Variants in PTPRN2 observed in about 807,000 individuals in gnomAD.
PTPRN2 encodes receptor-type tyrosine-protein phosphatase N2.
In PTPRN2, 74 loss-of-function variants were observed where a neutral mutation model predicts 118.8. The ratio of observed to expected loss-of-function variants is 0.62; its 90% CI spans 0.52 to 0.76. PTPRN2 has a LOEUF of 0.76. PTPRN2 is among the 30% of genes least tolerant of loss of function. The pLI is 0.00. For missense variants in PTPRN2, 1,481 were observed against 1,394.4 expected (o/e 1.06, Z -0.99); for synonymous variants, 641 against 608.0 (o/e 1.05, Z -0.80).
chr7:158,236,339 G>A lies in PTPRN2; in HGVS notation c.278-31066C>T, dbSNP rs139818895. On this transcript the variant is annotated intron_variant, in intron 3 of 22. Coordinates refer to ENST00000389418, the MANE Select transcript of PTPRN2 (RefSeq NM_002847.5). ...CTCCTCCTCAGATCTAGGTAGGGCC[G>A]CTTGTGCTCCCTTGGGGCATGAAGG... 3.4e-3 allele frequency among the ~76,000 whole-genome samples: 519 copies of A among 152,262 alleles called. 7 individuals are homozygous for A. Among genetic ancestry groups the A allele is most frequent in the African/African-American group, 0.012 (487 of 41,544 alleles).
intron 12 of PTPRN2, among the ~76,000 whole-genome samples, chr7:157,743,093 C>A (rs190578901): frequency 6.6e-6 from 1 of 152,148 alleles, no homozygotes; most frequent in South Asian, 2.1e-4. Context: ...GTGGAGAGAA[C>A]CTTGTAATGA....
chr7:157,585,070 T>C lies in PTPRN2; in HGVS notation c.2497-6930A>G, dbSNP rs565611097. On this transcript the variant is annotated intron_variant, in intron 17 of 22. Coordinates refer to ENST00000389418, the MANE Select transcript of PTPRN2 (RefSeq NM_002847.5). The surrounding 1 kb of genome is among the most constrained non-coding windows in gnomAD (Gnocchi z 5.2). ...TTTTTTTAGTAAACAAATATCTCAGTGTGGGATTCATTTAGGGATGACACG... is the reference window on the plus strand; with the variant it reads ...TTTTTTTAGTAAACAAATATCTCAGCGTGGGATTCATTTAGGGATGACACG... Among the ~76,000 whole-genome samples the C allele has an allele frequency of 1.1e-3, 165 of 152,224 alleles. No homozygotes were observed. The highest frequency in any genetic ancestry group is 3.9e-3 in the African/African-American group (161 of 41,544).
At chr7:158,422,634 T>C (rs1260077765) in intron 2 of PTPRN2, among the ~76,000 whole-genome samples, 1 of 146,676 alleles carries the variant, frequency 6.8e-6, no homozygotes, top group Non-Finnish European at 1.5e-5. Flanking sequence ...TGCCGGCTTC[T>C]GGGGCCACCC....
intron 2 of PTPRN2, among the ~76,000 whole-genome samples, chr7:158,393,249 C>T (rs1489300771): frequency 6.6e-6 from 1 of 152,224 alleles, no homozygotes; most frequent in African/African-American, 2.4e-5. Flanking sequence ...TTTGAAAATC[C>T]TGCAAACATC....
chr7:158,277,239 C>T (rs116187840), intron 3 of PTPRN2, among the ~76,000 whole-genome samples: 2,126 of 152,304 alleles, frequency 0.014, 50 homozygotes, highest in African/African-American at 0.049. Flanking sequence ...GGTGAGATGA[C>T]GGCAGCCTGT....
At chr7:158,499,867 TTAAA>T (rs1295353707) in intron 1 of PTPRN2, among the ~76,000 whole-genome samples, 1 of 151,624 alleles carries the variant, frequency 6.6e-6, no homozygotes, top group Admixed American at 6.6e-5. Flanking sequence ...GTGTATAATT[TTAAA>T]TTAATTATGT....
At chr7:157,650,434 G>A (rs1238188227) in intron 14 of PTPRN2, among the ~76,000 whole-genome samples, 1 of 152,262 alleles carries the variant, frequency 6.6e-6, no homozygotes, top group Non-Finnish European at 1.5e-5. Flanking sequence ...AGCCGGCATC[G>A]TCCAGACAGC....
At chr7:158,255,682 C>G (rs1796975370) in intron 3 of PTPRN2, among the ~76,000 whole-genome samples, 1 of 152,118 alleles carries the variant, frequency 6.6e-6, no homozygotes, top group Non-Finnish European at 1.5e-5. Context: ...GACTCCATTC[C>G]CGCTGGGGCT....
At chr7:157,570,307 C>T (rs1188080751) in intron 20 of PTPRN2, among the ~76,000 whole-genome samples, 1 of 152,248 alleles carries the variant, frequency 6.6e-6, no homozygotes, top group Non-Finnish European at 1.5e-5. Context: ...CTAAGTGTTG[C>T]TTGTCTTGAT....
At chr7:158,246,519 A>G (rs1796259812) in intron 3 of PTPRN2, among the ~76,000 whole-genome samples, 1 of 150,914 alleles carries the variant, frequency 6.6e-6, no homozygotes, top group Admixed American at 6.6e-5. Flanking sequence ...AGAAAATGTG[A>G]GCGTTTCACA....
chr7:158,340,587 C>A (rs1171543642), intron 2 of PTPRN2, among the ~76,000 whole-genome samples: 2 of 117,842 alleles, frequency 1.7e-5, no homozygotes, highest in Non-Finnish European at 3.7e-5. Flanking sequence ...AGAGCCGACG[C>A]CCGCAGACAT....
chr7:158,327,904 G>T (rs758220409), intron 2 of PTPRN2, among the ~76,000 whole-genome samples: 1 of 152,138 alleles, frequency 6.6e-6, no homozygotes, highest in African/African-American at 2.4e-5. Context: ...CACCACAGAC[G>T]GAGGAGCCCA....
intron 12 of PTPRN2, among the ~76,000 whole-genome samples, chr7:157,872,764 A>T (rs1447425808): frequency 6.6e-6 from 1 of 152,178 alleles, no homozygotes; most frequent in African/African-American, 2.4e-5. Flanking sequence ...CCCTCCTTGG[A>T]GTGTCCCCTC....
chr7:158,240,586 A>T (rs981638907), intron 3 of PTPRN2, among the ~76,000 whole-genome samples: 1 of 151,930 alleles, frequency 6.6e-6, no homozygotes, highest in African/African-American at 2.4e-5. Flanking sequence ...GTGCCACCAC[A>T]CCCGGCTAAT....
In PTPRN2 at chr7:157,764,964, C is replaced by T. The variant is rs1802359874; in HGVS notation, c.1789-82027G>A. Among the ~76,000 whole-genome samples, 1 of 151,252 alleles carries T rather than the reference C, an allele frequency of 6.6e-6. No homozygotes were observed. Among genetic ancestry groups the T allele is most frequent in the South Asian group, 2.1e-4 (1 of 4,766 alleles). The stretch of plus-strand genomic sequence containing the variant: ...ATCCATATCCATCCATCCACCCACC[C>T]ACCCATCCATCTACCCATCCACTTT... On this transcript the variant is annotated intron_variant, in intron 12 of 22. Transcript: ENST00000389418. This position sits in a 1 kb window ranked among gnomAD's most constrained non-coding sequence, Gnocchi z 4.5.
intron 12 of PTPRN2, among the ~76,000 whole-genome samples, chr7:157,732,870 T>G (rs367616081): frequency 1.8e-4 from 1 of 5,408 alleles, no homozygotes; most frequent in African/African-American, 1.2e-3. Flanking sequence ...TTCCGTCCCA[T>G]GCGCCCAGCA....
intron 21 of PTPRN2, among the ~76,000 whole-genome samples, chr7:157,554,319 C>T (rs1360473863): frequency 4.0e-5 from 4 of 99,502 alleles, no homozygotes; most frequent in African/African-American, 8.3e-5. Context: ...GGATCCTGCC[C>T]GCTCTCGTGC....
At chr7:157,900,709 A>G (rs1797389783) in intron 11 of PTPRN2, among the ~76,000 whole-genome samples, 1 of 152,202 alleles carries the variant, frequency 6.6e-6, no homozygotes, top group Non-Finnish European at 1.5e-5. Flanking sequence ...ACATGTGCTC[A>G]GGGGCACCCC....
At chr7:158,540,359 C>T (rs1703512567) in intron 1 of PTPRN2, among the ~76,000 whole-genome samples, 1 of 152,160 alleles carries the variant, frequency 6.6e-6, no homozygotes, top group Admixed American at 6.5e-5. Flanking sequence ...CCAGAGGAGC[C>T]CTGGAGAGCT....
Sources: allele counts gnomAD v4.1 joint callset (sites outside exome capture counted in the v4.1 genomes callset), GRCh38; gene constraint gnomAD v4.1.1; non-coding constraint Gnocchi (gnomAD v3.1); transcripts MANE v1.5; gene names NCBI Gene and HGNC (gene_info 2026-07-23, HGNC 2026-07-21).